The following EYA2 variants were observed in gnomAD, a reference collection of about 807,000 sequenced individuals.
The protein encoded by EYA2 is protein phosphatase EYA2.
EYA2 carries 31 observed loss-of-function variants against 69.2 expected under a neutral mutation model. That is an observed-to-expected ratio of 0.45 (90% confidence interval 0.34 to 0.60). The LOEUF is 0.60. EYA2 is among the 20% of genes least tolerant of loss of function. EYA2 has a pLI of 0.02. For missense variants in EYA2, 622 were observed against 701.2 expected (o/e 0.89, Z 1.28); for synonymous variants, 257 against 279.4 (o/e 0.92, Z 0.80).
intron 1 of EYA2, among the ~76,000 whole-genome samples, chr20:46,981,016 C>G (rs530135534): frequency 2.0e-5 from 3 of 152,080 alleles, no homozygotes; most frequent in Non-Finnish European, 4.4e-5. Context: ...TGGTGGAGTG[C>G]GCTGACATTT....
chr20:47,091,558 G>C (rs893089563), intron 8 of EYA2, among the ~76,000 whole-genome samples: 2 of 138,440 alleles, frequency 1.4e-5, no homozygotes, highest in African/African-American at 2.8e-5. Flanking sequence ...GGGCAACATG[G>C]CAAAACACCA....
At position 46,966,683 on chromosome 20, in the gene EYA2, G is replaced by A. The variant is rs543282785; in HGVS notation, c.-10-23318G>A. 2.0e-5 allele frequency among the ~76,000 whole-genome samples: 3 copies of A among 152,150 alleles called. No homozygotes were observed. The South Asian group carries it at 6.3e-4, about 32-fold the overall frequency. ...AAATTAGCCGGGCATGGTGGTGGGT[G>A]CCTGTAGTCCCAGCTACTTAGGAGG... On this transcript the variant is annotated intron_variant, in intron 1 of 15. Coordinates refer to ENST00000327619, the MANE Select transcript of EYA2 (RefSeq NM_005244.5).
intron 9 of EYA2, among the ~76,000 whole-genome samples, chr20:47,135,439 A>C (rs1437809039): frequency 6.6e-6 from 1 of 151,964 alleles, no homozygotes; most frequent in South Asian, 2.1e-4. Flanking sequence ...CAAAGCACTC[A>C]CTAGAGATTG....
intron 9 of EYA2, among the ~76,000 whole-genome samples, chr20:47,113,393 G>C (rs1328599872): frequency 6.6e-6 from 1 of 152,174 alleles, no homozygotes; most frequent in Non-Finnish European, 1.5e-5. Context: ...GATCGGCTGT[G>C]CCTGGGACCT....
intron 8 of EYA2, among the ~76,000 whole-genome samples, chr20:47,096,274 A>C (rs1341513980): frequency 6.6e-6 from 1 of 152,256 alleles, no homozygotes; most frequent in Non-Finnish European, 1.5e-5. Flanking sequence ...GTAGTGAACA[A>C]TAATCACAAA....
chr20:47,143,955 A>T (rs1364261942), intron 10 of EYA2, among the ~76,000 whole-genome samples: 1 of 152,244 alleles, frequency 6.6e-6, no homozygotes, highest in East Asian at 1.9e-4. Context: ...TGAAAGAGCA[A>T]GCAACTTTCT....
chr20:46,914,706 T>C (rs919532242), intron 1 of EYA2, among the ~76,000 whole-genome samples: 2 of 152,096 alleles, frequency 1.3e-5, no homozygotes, highest in African/African-American at 4.8e-5. Flanking sequence ...ACGTGGGGAT[T>C]ATGGGAACTA....
chr20:47,077,321 C>G (rs1192315410), intron 7 of EYA2, among the ~76,000 whole-genome samples: 1 of 152,166 alleles, frequency 6.6e-6, no homozygotes, highest in East Asian at 1.9e-4. Context: ...CATTCATTCC[C>G]CAGACCTGCT....
intron 12 of EYA2, among the ~76,000 whole-genome samples, chr20:47,173,509 T>TTAAAAA (rs1555834800): frequency 3.6e-5 from 3 of 83,650 alleles, no homozygotes; most frequent in East Asian, 3.9e-4. Context: ...TGAGACCCCG[T>TTAAAAA]AAAAAAAAAA....
intron 1 of EYA2, among the ~76,000 whole-genome samples, chr20:46,936,826 T>C (rs2146257969): frequency 6.6e-6 from 1 of 152,208 alleles, no homozygotes; most frequent in South Asian, 2.1e-4. Context: ...GCTGGCACTT[T>C]AGTTTTGCGA....
intron 9 of EYA2, among the ~76,000 whole-genome samples, chr20:47,129,322 G>A (rs1262983913): frequency 6.6e-6 from 1 of 152,188 alleles, no homozygotes; most frequent in African/African-American, 2.4e-5. Context: ...TGTGGAGTGA[G>A]TGGGGAGGAG....
At chr20:47,180,243 C>T (rs1217807981) in intron 13 of EYA2, among the ~76,000 whole-genome samples, 1 of 152,040 alleles carries the variant, frequency 6.6e-6, no homozygotes, top group African/African-American at 2.4e-5. Flanking sequence ...GTTGGCCAGG[C>T]TTGTCTCGAA....
chr20:47,083,696 G>GA, intron 7 of EYA2, among the ~76,000 whole-genome samples: 1 of 151,300 alleles, frequency 6.6e-6, no homozygotes, highest in African/African-American at 2.4e-5. Flanking sequence ...TCTTCTACAA[G>GA]AAAACATAGG....
chr20:47,094,666 A>T (rs567013417), intron 8 of EYA2, among the ~76,000 whole-genome samples: 1 of 152,360 alleles, frequency 6.6e-6, no homozygotes, highest in East Asian at 1.9e-4. Flanking sequence ...CACTAGCTAC[A>T]GAGTTAGTCA....
chr20:46,916,410 G>T (rs1190613981), intron 1 of EYA2, among the ~76,000 whole-genome samples: 1 of 121,854 alleles, frequency 8.2e-6, no homozygotes, highest in African/African-American at 2.7e-5. Flanking sequence ...GTGGGTGAGT[G>T]TGTCAGAGTC....
chr20:47,079,494 C>T (rs907402323), intron 7 of EYA2, among the ~76,000 whole-genome samples: 5 of 152,150 alleles, frequency 3.3e-5, no homozygotes, highest in Admixed American at 6.5e-5. Context: ...CTCCTGCCCC[C>T]GACCCCTTAT....
At chr20:47,155,189 G>T (rs1056124742) in intron 10 of EYA2, among the ~76,000 whole-genome samples, 2 of 151,870 alleles carry the variant, frequency 1.3e-5, no homozygotes, top group Non-Finnish European at 2.9e-5. Flanking sequence ...ATGAAAAATC[G>T]AATTATTAGA....
chr20:47,136,120 A>G (rs1027307276), intron 9 of EYA2, among the ~76,000 whole-genome samples: 16 of 152,162 alleles, frequency 1.1e-4, no homozygotes, highest in African/African-American at 3.6e-4. Context: ...GTAAAAATCT[A>G]TATGTGTTAT....
chr20:47,186,259 A>T (rs1217639313), intron 15 of EYA2, among the ~76,000 whole-genome samples: 1 of 150,996 alleles, frequency 6.6e-6, no homozygotes, highest in Non-Finnish European at 1.5e-5. Context: ...TGCCCCTGGC[A>T]TCTTTATAGA....
Sources: gnomAD v4.1 joint callset for allele counts (sites outside exome capture counted in the v4.1 genomes callset) on GRCh38, gnomAD v4.1.1 for gene constraint, MANE v1.5 for transcripts, NCBI Gene and HGNC (gene_info 2026-07-23, HGNC 2026-07-21) for gene names.